The following SGCZ variants were observed in gnomAD, a reference collection of about 807,000 sequenced individuals.
SGCZ encodes the protein sarcoglycan zeta, also known as zeta-sarcoglycan.
SGCZ carries 40 observed loss-of-function variants against 41.3 expected under a neutral mutation model. The ratio of observed to expected loss-of-function variants is 0.97; its 90% CI spans 0.75 to 1.26. The LOEUF is 1.26. Ranked by LOEUF, SGCZ falls within the 50% of genes most tolerant of loss-of-function variation. SGCZ has a pLI of 0.00. For missense variants in SGCZ, 552 were observed against 369.8 expected (o/e 1.49, Z -4.04); for synonymous variants, 206 against 137.5 (o/e 1.50, Z -3.49).
At chr8:14,982,124 C>G (rs1488037083) in intron 1 of SGCZ, among the ~76,000 whole-genome samples, 1 of 150,222 alleles carries the variant, frequency 6.7e-6, no homozygotes, top group Non-Finnish European at 1.5e-5. Flanking sequence ...TACTCCTGCA[C>G]TCCAGCCTGG....
intron 1 of SGCZ, among the ~76,000 whole-genome samples, chr8:15,168,423 A>C (rs964218944): frequency 2.0e-5 from 3 of 152,196 alleles, no homozygotes; most frequent in African/African-American, 7.2e-5. Context: ...GAGAGCAGAT[A>C]ATTCCCTATT....
intron 1 of SGCZ, among the ~76,000 whole-genome samples, chr8:14,708,676 T>C (rs545980266): frequency 6.6e-6 from 1 of 152,250 alleles, no homozygotes; most frequent in Admixed American, 6.5e-5. Context: ...TAAATCCAAG[T>C]ATTAACAAAC....
At chr8:14,400,880 G>T (rs1239903818) in intron 2 of SGCZ, among the ~76,000 whole-genome samples, 3 of 152,060 alleles carry the variant, frequency 2.0e-5, no homozygotes, top group Non-Finnish European at 4.4e-5. Flanking sequence ...TCTCCAAAGA[G>T]TTTAAATTAA....
intron 1 of SGCZ, among the ~76,000 whole-genome samples, chr8:15,138,395 T>G (rs1808195687): frequency 6.6e-6 from 1 of 152,096 alleles, no homozygotes; most frequent in Admixed American, 6.6e-5. Context: ...TGATTGTGAT[T>G]TGAATTGTGA....
chr8:14,814,880 T>C (rs1337842282), intron 1 of SGCZ, among the ~76,000 whole-genome samples: 1 of 152,232 alleles, frequency 6.6e-6, no homozygotes, highest in Admixed American at 6.5e-5. Context: ...GGAATACTTG[T>C]AATTTTACCA....
chr8:14,205,202 A>G (rs1001820408), intron 4 of SGCZ, among the ~76,000 whole-genome samples: 3 of 151,540 alleles, frequency 2.0e-5, no homozygotes, highest in Non-Finnish European at 2.9e-5. Context: ...AAAGAGAATC[A>G]CTCTATAAGC....
At chr8:14,244,588 T>C (rs1305380659) in intron 3 of SGCZ, among the ~76,000 whole-genome samples, 2 of 151,760 alleles carry the variant, frequency 1.3e-5, no homozygotes, top group African/African-American at 4.8e-5. Context: ...TCTTTTTTGG[T>C]TCCATATGAA....
chr8:14,339,527 T>C (rs923861171), intron 2 of SGCZ, among the ~76,000 whole-genome samples: 1 of 152,226 alleles, frequency 6.6e-6, no homozygotes, highest in Non-Finnish European at 1.5e-5. Flanking sequence ...ATGTTTTCTT[T>C]TTATTCCACA....
At chr8:14,372,035 G>T (rs1412056609) in intron 2 of SGCZ, among the ~76,000 whole-genome samples, 1 of 151,926 alleles carries the variant, frequency 6.6e-6, no homozygotes, top group Admixed American at 6.6e-5. Flanking sequence ...AGAAGATATA[G>T]ATCAATATGG....
At chr8:14,264,808 A>T (rs542795288) in intron 3 of SGCZ, among the ~76,000 whole-genome samples, 23 of 152,140 alleles carry the variant, frequency 1.5e-4, no homozygotes, top group South Asian at 6.2e-4. Flanking sequence ...AAAAATATTT[A>T]AAAAATTAGC....
chr8:14,952,564 T>C (rs1158781253), intron 1 of SGCZ, among the ~76,000 whole-genome samples: 1 of 152,188 alleles, frequency 6.6e-6, no homozygotes, highest in African/African-American at 2.4e-5. Flanking sequence ...CACATTTTTA[T>C]CCTCACCCTC....
chr8:14,298,390 G>A (rs1436417125), intron 3 of SGCZ, among the ~76,000 whole-genome samples: 1 of 151,654 alleles, frequency 6.6e-6, no homozygotes. Flanking sequence ...ATAATACTAA[G>A]ATTGAAAAAA....
At chr8:14,882,931 C>T (rs1020909795) in intron 1 of SGCZ, among the ~76,000 whole-genome samples, 2 of 151,992 alleles carry the variant, frequency 1.3e-5, no homozygotes, top group African/African-American at 2.4e-5. Flanking sequence ...AACAAGTGCA[C>T]GATAACCACT....
intron 1 of SGCZ, among the ~76,000 whole-genome samples, chr8:15,099,045 G>A (rs570620389): frequency 4.3e-4 from 66 of 152,312 alleles, no homozygotes; most frequent in African/African-American, 1.4e-3. Flanking sequence ...GTGACAGAGC[G>A]AGACTCCGTC....
rs186186634 is a variant in SGCZ, at chr8:14,680,007, G to C, written c.40-125081C>G. Among the ~76,000 whole-genome samples, 626 of 152,204 alleles carry C rather than the reference G, an allele frequency of 4.1e-3. 10 individuals are homozygous for C. Among genetic ancestry groups the C allele is most frequent in the African/African-American group, 0.013 (558 of 41,532 alleles). ...ACTCAGGCTACACCATGCAGTCGAT[G>C]TGTGTAGTAGGCTATACCAGCTAGG... On this transcript the variant is annotated intron_variant, in intron 1 of 7. Coordinates refer to ENST00000382080, the MANE Select transcript of SGCZ (RefSeq NM_139167.4).
rs1167101395 is a variant in SGCZ at position 14,404,898 on chromosome 8, C to T, written c.235-80694G>A. On this transcript the variant is annotated intron_variant, in intron 2 of 7. Coordinates refer to ENST00000382080, the MANE Select transcript of SGCZ (RefSeq NM_139167.4). ...GAGCAAGAGGAGTGGGAGAGTCGATCTATTTGCTGTCTCTTCTTTCGTTCC... is the reference window on the plus strand; with the variant it reads ...GAGCAAGAGGAGTGGGAGAGTCGATTTATTTGCTGTCTCTTCTTTCGTTCC... 3.3e-5 allele frequency among the ~76,000 whole-genome samples: 5 copies of T among 152,156 alleles called. No homozygotes were observed. In the South Asian group the frequency reaches 6.2e-4, roughly 19 times the overall value.
Position 14,711,566 on chromosome 8 carries a change from C to T in SGCZ, c.40-156640G>A, listed in dbSNP as rs150170372. On this transcript the variant is annotated intron_variant, in intron 1 of 7. Coordinates refer to ENST00000382080, the MANE Select transcript of SGCZ (RefSeq NM_139167.4). ...GTAGTGAGCCAAGATTGCTCAACTG[C>T]ATTCCAGCCCAGGAGACAGAGTGAG... 1.0e-3 allele frequency among the ~76,000 whole-genome samples: 131 copies of T among 131,298 alleles called. 1 individual carries two copies. In the East Asian group the frequency reaches 0.027, roughly 27 times the overall value. The allele number at this position is 131,298 out of a possible 152,430, so 86.1% of individuals were successfully genotyped here.
chr8:14,661,187 GATGGACA>G (rs1296918245), intron 1 of SGCZ, among the ~76,000 whole-genome samples: 1 of 151,986 alleles, frequency 6.6e-6, no homozygotes. Context: ...TGTGCCCCCC[GATGGACA>G]ATAATATACT....
chr8:14,532,428 T>C (rs979003848), intron 2 of SGCZ, among the ~76,000 whole-genome samples: 6 of 152,070 alleles, frequency 3.9e-5, no homozygotes, highest in African/African-American at 1.4e-4. Context: ...TCCTCAATGA[T>C]TACTACATAG....
Sources: gnomAD v4.1 joint callset for allele counts (sites outside exome capture counted in the v4.1 genomes callset) on GRCh38, gnomAD v4.1.1 for gene constraint, MANE v1.5 for transcripts, NCBI Gene and HGNC (gene_info 2026-07-23, HGNC 2026-07-21) for gene names.